The following PER1 variants were observed in gnomAD, a reference collection of about 807,000 sequenced individuals.
PER1 encodes the protein period circadian regulator 1.
In PER1, 87 loss-of-function variants were observed where a neutral mutation model predicts 125.9. That is an observed-to-expected ratio of 0.69 (90% confidence interval 0.58 to 0.83). The LOEUF is 0.83. PER1 is among the 40% of genes least tolerant of loss of function. The pLI, the probability that PER1 is intolerant of heterozygous loss-of-function variation, is 0.00. For synonymous variants in PER1, 801 were observed against 714.7 expected (o/e 1.12, Z -1.93); for missense variants, 1,775 against 1,722.8 (o/e 1.03, Z -0.54).
Position 8,144,758 on chromosome 17 carries a change from G to T in PER1, c.2454C>A (p.Gly818=). ...DSSSTAPSAL[G]ERGCHHGPAP... Reference sequence around the variant, plus strand: ...GAGGCCCCAGGTGGCTACCTCGCTCGCCAAGGGCTGAGGGAGCTGTGGAAG... The same window carrying T: ...GAGGCCCCAGGTGGCTACCTCGCTCTCCAAGGGCTGAGGGAGCTGTGGAAG... The change falls in exon 18 of 23, where the codon GGC becomes GGA. Residue 818 remains glycine, a synonymous_variant. Coordinates refer to ENST00000317276, the MANE Select transcript of PER1 (RefSeq NM_002616.3). 6.4e-7 allele frequency: 1 copy of T among 1,569,520 alleles called. No homozygotes were observed. Among genetic ancestry groups the T allele is most frequent in the Non-Finnish European group, 8.6e-7 (1 of 1,159,010 alleles).
chr17:8,146,343 A>T, intron 16 of PER1, 29 bp downstream of exon 16: 1 of 1,577,014 alleles, frequency 6.3e-7, no homozygotes, highest in Non-Finnish European at 8.6e-7. Flanking sequence ...AGGACGGGGC[A>T]GTGGGAGCAG....
At chr17:8,142,898 G>A (rs1387681786) in intron 19 of PER1, 63 bp from the exon 20 acceptor site, 10 of 1,276,558 alleles carry the variant, frequency 7.8e-6, no homozygotes, top group Non-Finnish European at 2.2e-6. Context: ...CCCTTCAACT[G>A]CTCTTACTGG....
In PER1 at chr17:8,141,877, G is replaced by A. The variant is rs746078991; in HGVS notation, c.3528C>T (p.Asp1176=). Residue 1176 remains aspartate (D), a synonymous_variant, in exon 22 of 23, where the codon GAC becomes GAT. Transcript: ENST00000317276. ...MQKQQPRFSE[D]QRRELGAVHS... is the part of the protein sequence containing the mutation. The stretch of plus-strand genomic sequence containing the variant: ...GCACAGCACCCAGTTCCCGCCGCTG[G>A]TCCTCAGAAAACCGAGGCTGCTGCT... The A allele has an allele frequency of 6.2e-7, 1 of 1,614,144 alleles. No individual in the cohort carries two copies. Among genetic ancestry groups the A allele is most frequent in the African/African-American group, 1.3e-5 (1 of 75,034 alleles).
At chr17:8,149,057 C>T (rs1025059034) in intron 7 of PER1, 63 of 618,130 alleles carry the variant, frequency 1.0e-4, no homozygotes, top group South Asian at 2.1e-4. Flanking sequence ...GGCGTGGTGG[C>T]GCATGCCTGT....
rs1344221984 is a variant in PER1 at position 8,143,355 on chromosome 17, C to T, written c.2983G>A (p.Ala995Thr). 1 of 1,612,552 alleles carries T rather than the reference C, an allele frequency of 6.2e-7. No homozygotes were observed. The highest frequency in any genetic ancestry group is 8.5e-7 in the Non-Finnish European group (1 of 1,179,250). ...NLLQLEELPRAEGAAVAGGPG... is the reference protein window; with the variant it reads ...NLLQLEELPRTEGAAVAGGPG... ...CCTCCTGCAACAGCAGCCCCCTCAG[C>T]ACGGGGGAGCTCCTCCAGCTGCAGC... Residue 995 changes from alanine to threonine, a missense_variant, in exon 19 of 23, where the codon GCT becomes ACT. Coordinates refer to ENST00000317276, the MANE Select transcript of PER1 (RefSeq NM_002616.3).
In PER1 at chr17:8,148,803, G is replaced by A. The variant is rs145284880; in HGVS notation, c.906-17C>T. On this transcript the variant is annotated splice_polypyrimidine_tract_variant and intron_variant, in intron 7 of 22. Transcript: ENST00000317276. Reference sequence around the variant, plus strand: ...GGACCTCCTCTAGCAAAGGAGAGAGGAGCATTAGGGACTTTCAACAGAGAG... The same window carrying A: ...GGACCTCCTCTAGCAAAGGAGAGAGAAGCATTAGGGACTTTCAACAGAGAG... 29,530 of 1,611,678 alleles carry A rather than the reference G, an allele frequency of 0.018. 425 individuals are homozygous for A. Among genetic ancestry groups the A allele is most frequent in the South Asian group, 0.051 (4,604 of 90,788 alleles).
At position 8,146,608 on chromosome 17, in the gene PER1, C is replaced by G. The variant is rs1266619637; in HGVS notation, c.1893G>C (p.Leu631=). The G allele has an allele frequency of 6.2e-7, 1 of 1,610,650 alleles. No homozygotes were observed. The highest frequency in any genetic ancestry group is 8.5e-7 in the Non-Finnish European group (1 of 1,178,382). ...GCAGGCCTTACCTGAGGATGCTGTC[C>G]AGGCAGTTGATCTGCTGGTAGGAGC... The part of the protein sequence containing the change: ...SSCSYQQINC[L]DSILRYLESC... Residue 631 remains leucine (L), a synonymous_variant, in exon 15 of 23, where the codon CTG becomes CTC. Transcript: ENST00000317276.
In PER1 at chr17:8,141,056, C is replaced by T. The variant is rs751878671; in HGVS notation, c.*12G>A. ...CTCTCATGGACTCCTGGAGATGGTC[C>T]CAGAATGGAGTCTAGCTGGTGCAGT... On this transcript the variant is annotated 3_prime_UTR_variant, in exon 23 of 23. Transcript: ENST00000317276. The T allele has an allele frequency of 1.2e-6, 2 of 1,603,948 alleles. No individual in the cohort carries two copies. Among genetic ancestry groups the T allele is most frequent in the Admixed American group, 3.4e-5 (2 of 59,514 alleles).
intron 7 of PER1, 199 bp from the exon 8 acceptor site, chr17:8,148,985 T>G (rs1982641482): frequency 1.6e-6 from 1 of 645,158 alleles, no homozygotes; most frequent in African/African-American, 1.8e-5. Flanking sequence ...GGTCAGGAGT[T>G]CGAGACCAGC....
chr17:8,146,123 C>A lies in PER1; in HGVS notation c.2053G>T (p.Ala685Ser). 6.2e-7 allele frequency: 1 copy of A among 1,604,922 alleles called. No homozygotes were observed. The change falls in exon 17 of 23, where the codon GCG becomes TCG. Residue 685 changes from alanine to serine, a missense_variant. Transcript: ENST00000317276. ...VGTKKDPPSAALSGEGATPRK... is the reference protein window; with the variant it reads ...VGTKKDPPSASLSGEGATPRK... ...GGGGTGGCCCCCTCCCCAGACAGCG[C>A]TGCTGACGGCGGATCTGTGCAGAGA...
rs1480536397 is a variant in PER1, at chr17:8,149,667, G to C, written c.652-4C>G. 9 of 1,609,580 alleles carry C rather than the reference G, an allele frequency of 5.6e-6. No individual in the cohort carries two copies. Among genetic ancestry groups the C allele is most frequent in the East Asian group, 2.2e-5 (1 of 44,720 alleles). On this transcript the variant is annotated splice_polypyrimidine_tract_variant and splice_region_variant and intron_variant, in intron 5 of 22. Transcript: ENST00000317276. ...AGACAGCCACTGAGAAGGTATCCTGGCAGGAGGGGGAGAGCAAGAGCAGAT... is the reference window on the plus strand; with the variant it reads ...AGACAGCCACTGAGAAGGTATCCTGCCAGGAGGGGGAGAGCAAGAGCAGAT...
chr17:8,150,421 T>G lies in PER1; in HGVS notation c.275+11A>C, dbSNP rs1025165792. The G allele has an allele frequency of 2.5e-6, 4 of 1,604,802 alleles. No individual in the cohort carries two copies. The African/African-American group carries it at 5.4e-5, about 22-fold the overall frequency. ...ACCATTCCTAGACCCAACATACACA[T>G]CCATACACACCTCTTGCTGCTCTCA... is the stretch of plus-strand genomic sequence containing the variant. On this transcript the variant is annotated intron_variant, in intron 2 of 22. Transcript: ENST00000317276.
At position 8,148,253 on chromosome 17, in the gene PER1, C is replaced by G; in HGVS notation, c.1055G>C (p.Arg352Pro). Residue 352 changes from arginine to proline, a missense_variant, in exon 9 of 23, where the codon CGG becomes CCG. Physicochemically the swap from Arg to Pro is moderately radical, Grantham distance 103. Coordinates refer to ENST00000317276, the MANE Select transcript of PER1 (RefSeq NM_002616.3). Reference protein sequence around the residue: ...ERIHSGYEAPRIPPDKRIFTT... With the variant: ...ERIHSGYEAPPIPPDKRIFTT... ...GAAAATCCTCTTGTCAGGGGGTATC[C>G]GGGGAGCTGAGGCACAGAGAGTGTG... 1 of 1,613,820 alleles carries G rather than the reference C, an allele frequency of 6.2e-7. No individual in the cohort carries two copies.
chr17:8,145,821 G>A (rs1982394648), intron 17 of PER1, 137 bp downstream of exon 17: 1 of 935,116 alleles, frequency 1.1e-6, no homozygotes, highest in Non-Finnish European at 1.6e-6. Flanking sequence ...AGAGCAAGAA[G>A]CAGTAGCCCC....
At chr17:8,148,518 C>CT in intron 8 of PER1, 126 bp downstream of exon 8, 1 of 1,243,662 alleles carries the variant, frequency 8.0e-7, no homozygotes, top group Non-Finnish European at 1.1e-6. Context: ...AAATCCTCAT[C>CT]TTTACAATAG....
At chr17:8,144,436 T>G in intron 18 of PER1, 1 of 468,382 alleles carries the variant, frequency 2.1e-6, no homozygotes, top group Non-Finnish European at 3.8e-6. Context: ...TCTTCATCAG[T>G]GACAACTGAC....
intron 1 of PER1, among the ~76,000 whole-genome samples, chr17:8,151,843 T>A (rs1035122731): frequency 1.3e-5 from 2 of 151,878 alleles, no homozygotes; most frequent in African/African-American, 2.4e-5. Context: ...ACCACACCCC[T>A]ACTACTGAGC....
chr17:8,142,303 G>C lies in PER1; in HGVS notation c.3415C>G (p.Gln1139Glu). The C allele has an allele frequency of 6.2e-7, 1 of 1,610,026 alleles. No homozygotes were observed. The highest frequency in any genetic ancestry group is 8.5e-7 in the Non-Finnish European group (1 of 1,178,262). ...PIWLLMANADQRVMMTYQVPS... is the reference protein window; with the variant it reads ...PIWLLMANADERVMMTYQVPS... Reference sequence around the variant, plus strand: ...ACCTGGTAGGTCATCATGACGCGCTGGTCAGCATTGGCCATGAGCAGCCAA... The same window carrying C: ...ACCTGGTAGGTCATCATGACGCGCTCGTCAGCATTGGCCATGAGCAGCCAA... The change falls in exon 21 of 23, where the codon CAG (glutamine) becomes GAG (glutamate). Residue 1139 changes from glutamine (Q) to glutamate (E), a missense_variant. Physicochemically the swap from Gln to Glu is conservative, Grantham distance 29 (BLOSUM62 2). Coordinates refer to ENST00000317276, the MANE Select transcript of PER1 (RefSeq NM_002616.3).
Position 8,143,357 on chromosome 17 carries a change from C to G in PER1, c.2981G>C (p.Arg994Pro). The G allele has an allele frequency of 6.2e-7, 1 of 1,612,534 alleles. No individual in the cohort carries two copies. Among genetic ancestry groups the G allele is most frequent in the South Asian group, 1.1e-5 (1 of 90,866 alleles). ...TCCTGCAACAGCAGCCCCCTCAGCACGGGGGAGCTCCTCCAGCTGCAGCAG... is the reference window on the plus strand; with the variant it reads ...TCCTGCAACAGCAGCCCCCTCAGCAGGGGGGAGCTCCTCCAGCTGCAGCAG... ...LNLLQLEELP[R>P]AEGAAVAGGP... Residue 994 changes from arginine (R) to proline (P), a missense_variant, in exon 19 of 23, where the codon CGT becomes CCT. Coordinates refer to ENST00000317276, the MANE Select transcript of PER1 (RefSeq NM_002616.3).
Sources: allele counts gnomAD v4.1 joint callset (sites outside exome capture counted in the v4.1 genomes callset), GRCh38; gene constraint gnomAD v4.1.1; transcripts MANE v1.5; gene names NCBI Gene and HGNC (gene_info 2026-07-23, HGNC 2026-07-21).